Variants in SORL1 observed in about 807,000 individuals in gnomAD.
The protein encoded by SORL1 is sortilin-related receptor.
SORL1 carries 127 observed loss-of-function variants against 273.7 expected under a neutral mutation model. The ratio of observed to expected loss-of-function variants is 0.46; its 90% CI spans 0.40 to 0.54. SORL1 has a LOEUF of 0.54. Among genes scored for constraint, SORL1 ranks in the 20% least tolerant of loss-of-function variants. The probability of loss-of-function intolerance (pLI) is 0.00; values close to 1 mark genes in which losing one functional copy is unlikely to be tolerated. For synonymous variants in SORL1, 1,031 were observed against 1,067.4 expected (o/e 0.97, Z 0.66); for missense variants, 2,494 against 2,846.1 (o/e 0.88, Z 2.81).
At chr11:121,489,570 T>C (rs1037392664) in intron 4 of SORL1, among the ~76,000 whole-genome samples, 1 of 152,268 alleles carries the variant, frequency 6.6e-6, no homozygotes, top group Admixed American at 6.5e-5. Flanking sequence ...TTTTTAAGGC[T>C]GAATAATATT....
rs747925344 is a variant in SORL1 at position 121,558,784 on chromosome 11, C to T, written c.2857C>T (p.Arg953Cys). 5.0e-6 allele frequency: 8 copies of T among 1,613,994 alleles called. No homozygotes were observed. Among genetic ancestry groups the T allele is most frequent in the Non-Finnish European group, 5.9e-6 (7 of 1,180,022 alleles). The change falls in exon 20 of 48, where the codon CGC (arginine) becomes TGC (cysteine). Residue 953 changes from arginine to cysteine, a missense_variant. Physicochemically the swap from Arg to Cys is radical, Grantham distance 180 (BLOSUM62 -3). Transcript: ENST00000260197. ...GCGGATCACGTTCAGTGGCCAGCAG[C>T]GCTCTGTCATTCTGGACAACCTCCC... ...IERITFSGQQ[R>C]SVILDNLPHP...
chr11:121,597,521 G>A (rs888242109), intron 32 of SORL1, among the ~76,000 whole-genome samples: 3 of 151,832 alleles, frequency 2.0e-5, no homozygotes, highest in African/African-American at 7.3e-5. Flanking sequence ...GCAGGGGCGG[G>A]TGGGATCTCA....
intron 1 of SORL1, among the ~76,000 whole-genome samples, chr11:121,466,107 C>A (rs916834339): frequency 6.6e-6 from 1 of 152,196 alleles, no homozygotes; most frequent in African/African-American, 2.4e-5. Flanking sequence ...GGGAGGCACT[C>A]GGCCCCTCCC....
intron 27 of SORL1, 21 bp from the exon 28 acceptor site, chr11:121,587,994 TCTTCC>T: frequency 2.5e-6 from 4 of 1,611,284 alleles, no homozygotes; most frequent in Non-Finnish European, 3.4e-6. Context: ...GCTCATGGCC[TCTTCC>T]CTTCTCTGGA....
intron 32 of SORL1, among the ~76,000 whole-genome samples, chr11:121,602,649 A>G (rs1246376771): frequency 6.6e-6 from 1 of 152,230 alleles, no homozygotes; most frequent in African/African-American, 2.4e-5. Context: ...GAGGTGACCC[A>G]TGACCACATG....
chr11:121,568,835 C>T (rs1862791803), intron 22 of SORL1, among the ~76,000 whole-genome samples: 1 of 152,202 alleles, frequency 6.6e-6, no homozygotes, highest in Non-Finnish European at 1.5e-5. Flanking sequence ...CTTCCAGCCT[C>T]CTCCTCTCTT....
At chr11:121,590,294 G>T in intron 30 of SORL1, 120 bp downstream of exon 30, 2 of 1,017,690 alleles carry the variant, frequency 2.0e-6, no homozygotes, top group Non-Finnish European at 2.9e-6. Flanking sequence ...TTTGTGAGAG[G>T]AGTGACTCAA....
At position 121,633,630 on chromosome 11, in the gene SORL1, A is replaced by G. The variant is rs1863905925; in HGVS notation, c.*4067A>G. ...ACAACTTTAAGATAATTTTTGTCTCAATGTCAACTTTTTTCACTGAATAAA... is the reference window on the plus strand; with the variant it reads ...ACAACTTTAAGATAATTTTTGTCTCGATGTCAACTTTTTTCACTGAATAAA... On this transcript the variant is annotated 3_prime_UTR_variant, in exon 48 of 48. Transcript: ENST00000260197. 1 of 152,212 alleles carries G rather than the reference A, an allele frequency of 6.6e-6. No individual in the cohort carries two copies. The highest frequency in any genetic ancestry group is 2.1e-4 in the South Asian group (1 of 4,818). The allele number at this position is 152,212 out of a possible 1,614,324, so 9.4% of individuals were successfully genotyped here. A position where few individuals can be genotyped will look rare whatever the true frequency, so the allele number is the denominator to read the frequency against.
chr11:121,604,429 T>C, intron 33 of SORL1, 105 bp downstream of exon 33: 1 of 1,381,346 alleles, frequency 7.2e-7, no homozygotes, highest in South Asian at 1.4e-5. Context: ...TTTTGAACTG[T>C]TGCTCAATCT....
Position 121,621,062 on chromosome 11 carries a change from A to G in SORL1, c.5890-2A>G. ...CATTCACTTGTTCTTTTTTGGTCCT[A>G]GTTGTATGCAGTTGCAGTCAAAGAT... On this transcript the variant is annotated splice_acceptor_variant, in intron 43 of 47. Coordinates refer to ENST00000260197, the MANE Select transcript of SORL1 (RefSeq NM_003105.6). LOFTEE classifies it high-confidence loss of function. 1 of 1,600,322 alleles carries G rather than the reference A, an allele frequency of 6.2e-7. No homozygotes were observed. The highest frequency in any genetic ancestry group is 1.3e-5 in the African/African-American group (1 of 74,390).
At chr11:121,581,488 T>G (rs1863014739) in intron 25 of SORL1, among the ~76,000 whole-genome samples, 1 of 152,172 alleles carries the variant, frequency 6.6e-6, no homozygotes. Flanking sequence ...CAGAGGATTC[T>G]TTTTCTTCCC....
chr11:121,619,709 G>A (rs1565357071), intron 42 of SORL1, 44 bp from the exon 43 acceptor site: 1 of 1,474,374 alleles, frequency 6.8e-7, no homozygotes, highest in Non-Finnish European at 9.4e-7. Flanking sequence ...GATTGCATAA[G>A]GCCATGATGT....
At position 121,586,329 on chromosome 11, in the gene SORL1, G is replaced by A. The variant is rs765821495; in HGVS notation, c.3814G>A (p.Glu1272Lys). 1.9e-5 allele frequency: 31 copies of A among 1,611,316 alleles called. No homozygotes were observed. Among genetic ancestry groups the A allele is most frequent in the African/African-American group, 4.0e-5 (3 of 74,872 alleles). ...CSDGSDEQHC[E>K]PLCTHFMDFV... ...TGATGGCTCCGATGAACAGCACTGC[G>A]GTGAGTTCATTCCTTGCCCCCAGGA... The change falls in exon 27 of 48, where the codon GAG becomes AAG. Residue 1272 changes from glutamate to lysine, a missense_variant and splice_region_variant. This residue lies in a region of SORL1 where 1,609 missense variants were observed against 1,816.4 expected (regional missense o/e 0.89). Transcript: ENST00000260197.
At chr11:121,542,030 T>A (rs1031751962) in intron 12 of SORL1, among the ~76,000 whole-genome samples, 2 of 152,236 alleles carry the variant, frequency 1.3e-5, no homozygotes, top group African/African-American at 2.4e-5. Context: ...CACAAATTGT[T>A]AGCATTTGCC....
intron 6 of SORL1, among the ~76,000 whole-genome samples, chr11:121,506,058 G>A (rs1362563871): frequency 6.6e-6 from 1 of 152,102 alleles, no homozygotes; most frequent in Non-Finnish European, 1.5e-5. Flanking sequence ...AAATCTTTAA[G>A]TATTATCATC....
rs1434306949 is a variant in SORL1, at chr11:121,554,086, G to A, written c.2416G>A (p.Asp806Asn). 6.2e-7 allele frequency: 1 copy of A among 1,614,034 alleles called. No homozygotes were observed. Residue 806 changes from aspartate (D) to asparagine (N), a missense_variant, in exon 17 of 48, where the codon GAC becomes AAC. Transcript: ENST00000260197. The surrounding 1 kb of genome is among the most constrained non-coding windows in gnomAD (Gnocchi z 4.6). ...DYEHNCLYWSDLALDVIQRLC... is the reference protein window; with the variant it reads ...DYEHNCLYWSNLALDVIQRLC... ...TGAGCACAACTGTTTGTATTGGTCC[G>A]ACCTGGCCTTGGACGTCATCCAGGT...
intron 11 of SORL1, among the ~76,000 whole-genome samples, chr11:121,531,131 G>C (rs1248794251): frequency 1.3e-5 from 2 of 152,174 alleles, no homozygotes; most frequent in East Asian, 3.9e-4. Flanking sequence ...GGTGGCTCAT[G>C]CCTATAATCC....
intron 42 of SORL1, 45 bp from the exon 43 acceptor site, chr11:121,619,708 A>C (rs1453799452): frequency 6.9e-7 from 1 of 1,442,106 alleles, no homozygotes; most frequent in Admixed American, 1.9e-5. Flanking sequence ...AGATTGCATA[A>C]GGCCATGATG....
intron 3 of SORL1, among the ~76,000 whole-genome samples, chr11:121,481,453 GC>G (rs1861384930): frequency 8.7e-6 from 1 of 115,476 alleles, no homozygotes; most frequent in African/African-American, 3.8e-5. Context: ...CTATAGGCAG[GC>G]TTCATCTCCT....
Sources: gnomAD v4.1 joint callset for allele counts (sites outside exome capture counted in the v4.1 genomes callset) on GRCh38, gnomAD v4.1.1 for gene constraint, gnomAD v4.1.1 regional missense constraint, Gnocchi (gnomAD v3.1) non-coding constraint, MANE v1.5 for transcripts, NCBI Gene and HGNC (gene_info 2026-07-23, HGNC 2026-07-21) for gene names.